BICC1: variants seen among roughly 807,000 people sequenced by gnomAD.
BICC1 encodes the protein BicC family RNA binding protein 1, also known as protein bicaudal C homolog 1.
BICC1 carries 43 observed loss-of-function variants against 111.0 expected under a neutral mutation model. The observed-to-expected ratio is 0.39, with a 90% CI of 0.30 to 0.50. BICC1 has a LOEUF of 0.50. Ranked by LOEUF, BICC1 falls within the 20% of genes least tolerant of loss-of-function variation. The probability of loss-of-function intolerance (pLI) is 0.88; values close to 1 mark genes in which losing one functional copy is unlikely to be tolerated. For missense variants in BICC1, 1,091 were observed against 1,203.2 expected (o/e 0.91, Z 1.38); for synonymous variants, 467 against 434.4 (o/e 1.07, Z -0.93).
At chr10:58,702,530 A>G (rs950042477) in intron 3 of BICC1, among the ~76,000 whole-genome samples, 7 of 151,368 alleles carry the variant, frequency 4.6e-5, no homozygotes, top group Non-Finnish European at 1.0e-4. Flanking sequence ...TTTTCCCTCC[A>G]GTATGATATG....
At chr10:58,686,163 T>G (rs1456810097) in intron 2 of BICC1, among the ~76,000 whole-genome samples, 2 of 152,220 alleles carry the variant, frequency 1.3e-5, no homozygotes, top group African/African-American at 4.8e-5. Flanking sequence ...GGTTGAAAAT[T>G]CTTTTCTTTA....
chr10:58,755,229 G>A (rs769125622), intron 3 of BICC1, among the ~76,000 whole-genome samples: 1 of 152,130 alleles, frequency 6.6e-6, no homozygotes, highest in Non-Finnish European at 1.5e-5. Flanking sequence ...TAAGAACTTG[G>A]TTTGATTTGG....
At chr10:58,828,164 A>G (rs1047407350) in intron 20 of BICC1, among the ~76,000 whole-genome samples, 1 of 152,196 alleles carries the variant, frequency 6.6e-6, no homozygotes, top group Admixed American at 6.5e-5. Context: ...TTTTGACTAC[A>G]TGGGAGCAGG....
In BICC1 at chr10:58,828,832, A is replaced by G; in HGVS notation, c.2866A>G (p.Ser956Gly). 3 of 1,613,992 alleles carry G rather than the reference A, an allele frequency of 1.9e-6. No homozygotes were observed. The highest frequency in any genetic ancestry group is 2.5e-6 in the Non-Finnish European group (3 of 1,179,902). ...CACCTCTTTCCTGGAAGGTGGAGCG[A>G]GTGGAAGGCTACCCCGTCAGTATCA... ...ARTSFLEGGA[S>G]GRLPRQYHSD... Residue 956 changes from serine to glycine, a missense_variant, in exon 21 of 21, where the codon AGT becomes GGT. Physicochemically the swap from Ser to Gly is moderately conservative, Grantham distance 56. Transcript: ENST00000373886.
At chr10:58,634,573 C>A (rs1338444427) in intron 2 of BICC1, among the ~76,000 whole-genome samples, 1 of 152,134 alleles carries the variant, frequency 6.6e-6, no homozygotes, top group Non-Finnish European at 1.5e-5. Context: ...TACTGATGTG[C>A]AGTATGGGTA....
chr10:58,568,071 G>T (rs968069984), intron 1 of BICC1, among the ~76,000 whole-genome samples: 1 of 152,130 alleles, frequency 6.6e-6, no homozygotes, highest in South Asian at 2.1e-4. Context: ...CAACTTTCTG[G>T]CTATCTGAGT....
At chr10:58,648,941 T>A (rs916654451) in intron 2 of BICC1, among the ~76,000 whole-genome samples, 7 of 152,194 alleles carry the variant, frequency 4.6e-5, no homozygotes, top group Non-Finnish European at 1.0e-4. Flanking sequence ...CTTTGAAAGA[T>A]CTGCCAACAC....
chr10:58,514,046 A>G (rs1355022275), intron 1 of BICC1, among the ~76,000 whole-genome samples: 1 of 152,206 alleles, frequency 6.6e-6, no homozygotes, highest in Non-Finnish European at 1.5e-5. Flanking sequence ...CACAACTTAG[A>G]ATTATTTTTA....
At chr10:58,799,897 G>T (rs1362290866) in intron 12 of BICC1, among the ~76,000 whole-genome samples, 2 of 152,090 alleles carry the variant, frequency 1.3e-5, no homozygotes, top group Non-Finnish European at 2.9e-5. Flanking sequence ...AATTATGTTT[G>T]TAGTGTGATA....
At chr10:58,791,186 A>G (rs771488626) in intron 8 of BICC1, among the ~76,000 whole-genome samples, 4 of 152,058 alleles carry the variant, frequency 2.6e-5, no homozygotes, top group Non-Finnish European at 4.4e-5. Flanking sequence ...TACAAGTCAG[A>G]TTTATATTTA....
intron 1 of BICC1, among the ~76,000 whole-genome samples, chr10:58,545,826 A>C (rs766538022): frequency 2.7e-4 from 41 of 152,122 alleles, no homozygotes; most frequent in African/African-American, 9.9e-4. Flanking sequence ...AACCAATGCA[A>C]GAACATACCT....
At chr10:58,675,080 A>G (rs1316240104) in intron 2 of BICC1, among the ~76,000 whole-genome samples, 1 of 152,158 alleles carries the variant, frequency 6.6e-6, no homozygotes, top group African/African-American at 2.4e-5. Context: ...GTCTTGGATT[A>G]TGGACATGGT....
chr10:58,813,549 G>A (rs1341925415), intron 17 of BICC1, among the ~76,000 whole-genome samples: 1 of 152,120 alleles, frequency 6.6e-6, no homozygotes, highest in Non-Finnish European at 1.5e-5. Context: ...TTTTATAGAA[G>A]GGATTATTTA....
intron 2 of BICC1, chr10:58,650,462 C>T (rs1365071949): frequency 6.6e-6 from 1 of 152,164 alleles, no homozygotes; most frequent in Admixed American, 6.5e-5. Flanking sequence ...CCTATCCCCA[C>T]CAAATGATGA....
chr10:58,618,305 C>G (rs1178569247), intron 1 of BICC1, among the ~76,000 whole-genome samples: 1 of 152,208 alleles, frequency 6.6e-6, no homozygotes, highest in Non-Finnish European at 1.5e-5. Flanking sequence ...TCCGGTCTTG[C>G]ATGTGAGTCT....
chr10:58,758,322 G>T (rs1206084302), intron 3 of BICC1, among the ~76,000 whole-genome samples: 1 of 152,194 alleles, frequency 6.6e-6, no homozygotes, highest in East Asian at 1.9e-4. Context: ...CACTATAAGT[G>T]CCTAAAGGTT....
At chr10:58,729,017 G>A (rs1342701217) in intron 3 of BICC1, among the ~76,000 whole-genome samples, 1 of 152,158 alleles carries the variant, frequency 6.6e-6, no homozygotes, top group Non-Finnish European at 1.5e-5. Context: ...AGTAGATTTA[G>A]CATAATTCTT....
chr10:58,613,890 G>A (rs887725201), intron 1 of BICC1, among the ~76,000 whole-genome samples: 2 of 152,098 alleles, frequency 1.3e-5, no homozygotes, highest in Non-Finnish European at 2.9e-5. Context: ...CATTAGCATC[G>A]AACCTAAGTC....
At chr10:58,673,916 C>T (rs1238121324) in intron 2 of BICC1, among the ~76,000 whole-genome samples, 2 of 151,984 alleles carry the variant, frequency 1.3e-5, no homozygotes, top group African/African-American at 2.4e-5. Context: ...CAGGTATGAG[C>T]CACCATGCCC....
Sources: gnomAD v4.1 joint callset for allele counts (sites outside exome capture counted in the v4.1 genomes callset) on GRCh38, gnomAD v4.1.1 for gene constraint, MANE v1.5 for transcripts, NCBI Gene and HGNC (gene_info 2026-07-23, HGNC 2026-07-21) for gene names.